The following FNDC3B variants were observed in gnomAD, a reference collection of about 807,000 sequenced individuals.
FNDC3B encodes the protein fibronectin type III domain-containing protein 3B.
A neutral mutation model predicts 151.5 loss-of-function variants in FNDC3B; 12 were observed. The ratio of observed to expected loss-of-function variants is 0.08; its 90% CI spans 0.05 to 0.13. The LOEUF is 0.13. FNDC3B is among the 10% of genes least tolerant of loss of function. The probability of loss-of-function intolerance (pLI) is 1.00; values close to 1 mark genes in which losing one functional copy is unlikely to be tolerated. For synonymous variants in FNDC3B, 528 were observed against 549.0 expected, an observed-to-expected ratio of 0.96 and a Z score of 0.54; for missense variants, 1,214 against 1,505.3, an observed-to-expected ratio of 0.81 and a Z score of 3.20.
At chr3:172,126,307 T>C (rs950057851) in intron 2 of FNDC3B, among the ~76,000 whole-genome samples, 1 of 152,204 alleles carries the variant, frequency 6.6e-6, no homozygotes, top group Non-Finnish European at 1.5e-5. Context: ...ATTTTTCCTT[T>C]GCTCTCTGTA....
intron 1 of FNDC3B, among the ~76,000 whole-genome samples, chr3:172,109,571 T>A (rs62283818): frequency 0.062 from 9,379 of 152,306 alleles, 406 homozygotes; most frequent in East Asian, 0.22. Context: ...TCACTTTTAT[T>A]ATTTCTTCTG....
At chr3:172,169,637 T>A (rs1456484640) in intron 3 of FNDC3B, among the ~76,000 whole-genome samples, 3 of 152,174 alleles carry the variant, frequency 2.0e-5, no homozygotes, top group Non-Finnish European at 4.4e-5. Context: ...GGGAATGACT[T>A]TATGATACCC....
intron 3 of FNDC3B, among the ~76,000 whole-genome samples, chr3:172,197,196 A>G (rs1344902880): frequency 6.6e-6 from 1 of 152,074 alleles, no homozygotes; most frequent in Non-Finnish European, 1.5e-5. Context: ...AAAATAAAAT[A>G]AAATAAAGTA....
intron 1 of FNDC3B, among the ~76,000 whole-genome samples, chr3:172,054,395 T>C (rs1716813117): frequency 6.6e-6 from 1 of 152,192 alleles, no homozygotes; most frequent in Admixed American, 6.5e-5. Flanking sequence ...AGAAATCATG[T>C]AGGGCTCGAC....
chr3:172,087,887 T>C (rs1718629526), intron 1 of FNDC3B, among the ~76,000 whole-genome samples: 1 of 152,216 alleles, frequency 6.6e-6, no homozygotes, highest in Non-Finnish European at 1.5e-5. Flanking sequence ...CTCCAAATAA[T>C]TGGAGATCTC....
chr3:172,228,110 A>C (rs1311296415), intron 4 of FNDC3B, among the ~76,000 whole-genome samples: 2 of 152,126 alleles, frequency 1.3e-5, no homozygotes, highest in Non-Finnish European at 2.9e-5. Flanking sequence ...TTACTTACTT[A>C]CTTACATAGC....
chr3:172,216,208 C>G (rs1370749277), intron 3 of FNDC3B, among the ~76,000 whole-genome samples: 1 of 152,108 alleles, frequency 6.6e-6, no homozygotes, highest in Non-Finnish European at 1.5e-5. Context: ...ATATCAGAAG[C>G]CTTTTCTCAG....
At chr3:172,172,120 C>G (rs114038580) in intron 3 of FNDC3B, among the ~76,000 whole-genome samples, 1 of 152,080 alleles carries the variant, frequency 6.6e-6, no homozygotes, top group South Asian at 2.1e-4. Flanking sequence ...ACCCAAACAC[C>G]GAAATCATTT....
chr3:172,112,605 A>G lies in FNDC3B; in HGVS notation c.111+15A>G, dbSNP rs536570189. 3.2e-6 allele frequency: 5 copies of G among 1,556,804 alleles called. No homozygotes were observed. The South Asian group carries it at 5.6e-5, about 17-fold the overall frequency. On this transcript the variant is annotated intron_variant, in intron 2 of 25. Transcript: ENST00000415807. ...CAGCTCAGCAGGTTGGTGTAGGAAG[A>G]GGGAAATTTAAGTCAAATTGTCTAA...
rs765158708 is a variant in FNDC3B, at chr3:172,329,000, C to T, written c.1303C>T (p.His435Tyr). ...FRQCFFGSQK[H>Y]CKLTKLCPAM... ...ACAGTGCTTCTTCGGGAGCCAGAAG[C>T]ACTGCAAGTTGACAAAGCTTTGTCC... Residue 435 changes from histidine to tyrosine, a missense_variant, in exon 12 of 26, where the codon CAC becomes TAC. This residue lies in a region of FNDC3B where 156 missense variants were observed against 225.3 expected (regional missense o/e 0.69). Transcript: ENST00000415807. 1.9e-6 allele frequency: 3 copies of T among 1,613,398 alleles called. No individual in the cohort carries two copies. Among genetic ancestry groups the T allele is most frequent in the East Asian group, 2.2e-5 (1 of 44,856 alleles).
At chr3:172,122,977 T>G (rs926516531) in intron 2 of FNDC3B, among the ~76,000 whole-genome samples, 9 of 152,326 alleles carry the variant, frequency 5.9e-5, no homozygotes, top group African/African-American at 1.9e-4. Flanking sequence ...CACCTTAGAT[T>G]TGAAGGGACA....
chr3:172,223,974 C>T (rs1439720612), intron 3 of FNDC3B, among the ~76,000 whole-genome samples: 1 of 152,188 alleles, frequency 6.6e-6, no homozygotes, highest in Admixed American at 6.5e-5. Context: ...TCACTTATGA[C>T]TATTAGGAAG....
chr3:172,328,031 A>G (rs1732448034), intron 11 of FNDC3B, among the ~76,000 whole-genome samples: 1 of 152,246 alleles, frequency 6.6e-6, no homozygotes, highest in South Asian at 2.1e-4. Context: ...ATATTCTAAC[A>G]AACTACTGAT....
intron 6 of FNDC3B, among the ~76,000 whole-genome samples, chr3:172,254,719 C>G (rs528975752): frequency 6.6e-6 from 1 of 152,146 alleles, no homozygotes; most frequent in East Asian, 1.9e-4. Context: ...TTCAGGAAAA[C>G]AGGCATGACA....
At chr3:172,265,161 A>G (rs28641087) in intron 6 of FNDC3B, among the ~76,000 whole-genome samples, 11,743 of 152,284 alleles carry the variant, frequency 0.077, 677 homozygotes, top group African/African-American at 0.16. Flanking sequence ...TACTATTTCT[A>G]TAGATCAAAA....
intron 1 of FNDC3B, among the ~76,000 whole-genome samples, chr3:172,061,267 C>G (rs1717182099): frequency 6.7e-6 from 1 of 148,620 alleles, no homozygotes; most frequent in Non-Finnish European, 1.5e-5. Flanking sequence ...GAGTCTCGCT[C>G]TGTCACCCAG....
chr3:172,135,581 T>C (rs1386959225), intron 3 of FNDC3B, among the ~76,000 whole-genome samples: 1 of 152,182 alleles, frequency 6.6e-6, no homozygotes, highest in Non-Finnish European at 1.5e-5. Context: ...ACTATGGTTA[T>C]CTTCATTTTG....
chr3:172,280,156 C>G (rs955906115), intron 6 of FNDC3B, among the ~76,000 whole-genome samples: 3 of 152,248 alleles, frequency 2.0e-5, no homozygotes, highest in African/African-American at 7.2e-5. Context: ...CTCAAGCTTT[C>G]TGCCCGCCTT....
chr3:172,325,419 C>T (rs1157263815), intron 11 of FNDC3B, among the ~76,000 whole-genome samples: 1 of 152,198 alleles, frequency 6.6e-6, no homozygotes, highest in East Asian at 1.9e-4. Flanking sequence ...ATATATTTAA[C>T]TTCTGATAAA....
Sources: allele counts gnomAD v4.1 joint callset (sites outside exome capture counted in the v4.1 genomes callset), GRCh38; gene constraint gnomAD v4.1.1; regional missense constraint gnomAD v4.1.1; transcripts MANE v1.5; gene names NCBI Gene and HGNC (gene_info 2026-07-23, HGNC 2026-07-21).